FGF12: variants seen among roughly 807,000 people sequenced by gnomAD.
FGF12 encodes the protein fibroblast growth factor 12, also known as fibroblast growth factor 12B.
Under a neutral mutation model 23.6 loss-of-function variants are expected in FGF12, and 14 were observed. The observed-to-expected ratio is 0.59, with a 90% CI of 0.39 to 0.93. The LOEUF is 0.93. Ranked by LOEUF, FGF12 falls within the 40% of genes least tolerant of loss-of-function variation. The pLI is 0.00. For missense variants in FGF12, 175 were observed against 217.8 expected (o/e 0.80, Z 1.24); for synonymous variants, 62 against 77.3 (o/e 0.80, Z 1.04).
intron 4 of FGF12, among the ~76,000 whole-genome samples, chr3:192,175,027 T>C (rs1715779966): frequency 2.0e-5 from 3 of 152,196 alleles, no homozygotes; most frequent in Admixed American, 1.3e-4. Flanking sequence ...TCTAGGACCT[T>C]GTGCCATAAG....
intron 2 of FGF12, among the ~76,000 whole-genome samples, chr3:192,579,580 GTCTC>G (rs1176948942): frequency 6.6e-6 from 1 of 152,088 alleles, no homozygotes; most frequent in Non-Finnish European, 1.5e-5. Context: ...TTGAGACGAA[GTCTC>G]TCTCTGTCAC....
At chr3:192,692,208 C>T (rs913284652) in intron 2 of FGF12, among the ~76,000 whole-genome samples, 7 of 152,016 alleles carry the variant, frequency 4.6e-5, no homozygotes, top group African/African-American at 1.2e-4. Context: ...AAATATAGCA[C>T]AGGAAAGGAA....
rs78681538 is a variant in FGF12 at position 192,370,384 on chromosome 3, A to G, written c.14-9846T>C. On this transcript the variant is annotated intron_variant, in intron 2 of 5. Transcript: ENST00000445105. The stretch of plus-strand genomic sequence containing the variant: ...AATGAGATCAATGAAAAACACAAAC[A>G]AAAGTTGTAATTGCCAGGCATGGTG... 3.6e-3 allele frequency among the ~76,000 whole-genome samples: 548 copies of G among 152,228 alleles called. 1 individual carries two copies. The highest frequency in any genetic ancestry group is 0.012 in the African/African-American group (506 of 41,538).
At chr3:192,649,311 C>A (rs1716125156) in intron 2 of FGF12, among the ~76,000 whole-genome samples, 1 of 152,054 alleles carries the variant, frequency 6.6e-6, no homozygotes, top group African/African-American at 2.4e-5. Context: ...AGAGTGACCC[C>A]AATGGTAATG....
At chr3:192,306,870 GA>G (rs1715678799) in intron 4 of FGF12, among the ~76,000 whole-genome samples, 1 of 152,092 alleles carries the variant, frequency 6.6e-6, no homozygotes, top group Non-Finnish European at 1.5e-5. Context: ...AAATGGGGTT[GA>G]ACCCAATAAT....
chr3:192,664,530 C>T (rs888014066), intron 2 of FGF12, among the ~76,000 whole-genome samples: 3 of 149,822 alleles, frequency 2.0e-5, no homozygotes, highest in Admixed American at 6.7e-5. Flanking sequence ...GGGTGGATCA[C>T]CTGAGGTCAG....
intron 2 of FGF12, among the ~76,000 whole-genome samples, chr3:192,564,541 G>A (rs1281126215): frequency 6.6e-6 from 1 of 152,140 alleles, no homozygotes; most frequent in African/African-American, 2.4e-5. Context: ...AATTGCTTTT[G>A]GAATTGAATC....
intron 2 of FGF12, among the ~76,000 whole-genome samples, chr3:192,379,108 G>A (rs945725031): frequency 3.9e-5 from 6 of 152,110 alleles, no homozygotes; most frequent in Non-Finnish European, 8.8e-5. Flanking sequence ...TGGCTGCATA[G>A]TATTCCATGG....
intron 2 of FGF12, among the ~76,000 whole-genome samples, chr3:192,450,438 C>T (rs78088472): frequency 0.016 from 2,422 of 152,232 alleles, 52 homozygotes; most frequent in African/African-American, 0.053. Context: ...ACCAGTAATA[C>T]TAAACATAGA....
At chr3:192,556,220 T>A (rs374784852) in intron 2 of FGF12, among the ~76,000 whole-genome samples, 30 of 152,262 alleles carry the variant, frequency 2.0e-4, no homozygotes, top group African/African-American at 6.5e-4. Context: ...CAAAAGACAT[T>A]GAGTGGCTGA....
chr3:192,495,406 T>C (rs932717826), intron 2 of FGF12, among the ~76,000 whole-genome samples: 2 of 152,320 alleles, frequency 1.3e-5, no homozygotes, highest in African/African-American at 4.8e-5. Flanking sequence ...TCATGCAGTA[T>C]ATAATTGTTT....
intron 4 of FGF12, among the ~76,000 whole-genome samples, chr3:192,309,615 A>G (rs1715832040): frequency 6.6e-6 from 1 of 152,232 alleles, no homozygotes; most frequent in Non-Finnish European, 1.5e-5. Context: ...CAGTTTCAAC[A>G]GGAAACACAG....
At chr3:192,170,307 A>AGAT (rs761799469) in intron 5 of FGF12, 151 bp downstream of exon 5, 323 of 572,330 alleles carry the variant, frequency 5.6e-4, no homozygotes, top group Non-Finnish European at 7.1e-4. Flanking sequence ...AAAAAGGAAG[A>AGAT]GATACTATTG....
chr3:192,662,313 T>C (rs539377021), intron 2 of FGF12, among the ~76,000 whole-genome samples: 3 of 152,366 alleles, frequency 2.0e-5, no homozygotes, highest in African/African-American at 7.2e-5. Flanking sequence ...GAACACTTCC[T>C]GTATTAGCTT....
At chr3:192,415,732 T>TACA (rs1721328366) in intron 2 of FGF12, among the ~76,000 whole-genome samples, 5 of 117,948 alleles carry the variant, frequency 4.2e-5, no homozygotes, top group African/African-American at 9.5e-5. Context: ...TCTCTCTCTC[T>TACA]CACACACACA....
intron 2 of FGF12, among the ~76,000 whole-genome samples, chr3:192,479,168 C>T (rs1248370566): frequency 6.6e-6 from 1 of 152,152 alleles, no homozygotes; most frequent in African/African-American, 2.4e-5. Flanking sequence ...CCTGGGCCTC[C>T]CTCCTTCTCC....
chr3:192,620,291 A>C (rs1714926998), intron 2 of FGF12, among the ~76,000 whole-genome samples: 1 of 151,850 alleles, frequency 6.6e-6, no homozygotes, highest in South Asian at 2.1e-4. Flanking sequence ...CCTGAAAAAT[A>C]TTTCAAGGTT....
chr3:192,434,226 G>A (rs909360830), intron 2 of FGF12, among the ~76,000 whole-genome samples: 4 of 152,206 alleles, frequency 2.6e-5, no homozygotes, highest in Non-Finnish European at 5.9e-5. Flanking sequence ...GGAAGGGGCT[G>A]TGCAAGTGAG....
At chr3:192,149,366 A>G (rs1713913960) in intron 5 of FGF12, among the ~76,000 whole-genome samples, 1 of 150,006 alleles carries the variant, frequency 6.7e-6, no homozygotes, top group Non-Finnish European at 1.5e-5. Flanking sequence ...CACATTGTGC[A>G]GGTTAGATAC....
Sources: allele counts gnomAD v4.1 joint callset (sites outside exome capture counted in the v4.1 genomes callset), GRCh38; gene constraint gnomAD v4.1.1; transcripts MANE v1.5; gene names NCBI Gene and HGNC (gene_info 2026-07-23, HGNC 2026-07-21).